Variants in GTF2I observed in about 807,000 individuals in gnomAD.
GTF2I encodes the protein general transcription factor IIi.
A neutral mutation model predicts 67.6 loss-of-function variants in GTF2I; 12 were observed. That is an observed-to-expected ratio of 0.18 (90% confidence interval 0.11 to 0.29). The LOEUF (loss-of-function observed/expected upper bound fraction) is 0.29, where lower values mean the gene tolerates loss of function less well. Ranked by LOEUF, GTF2I falls within the 10% of genes least tolerant of loss-of-function variation. GTF2I has a pLI of 1.00. For missense variants in GTF2I, 271 were observed against 580.1 expected (o/e 0.47, Z 5.47); for synonymous variants, 149 against 197.0 (o/e 0.76, Z 2.04).
intron 11 of GTF2I, among the ~76,000 whole-genome samples, chr7:74,718,000 C>G (rs1032815399): frequency 6.6e-6 from 1 of 152,162 alleles, no homozygotes; most frequent in Non-Finnish European, 1.5e-5. Flanking sequence ...ACAGAGTTTT[C>G]AGCTTTGAAT....
intron 12 of GTF2I, among the ~76,000 whole-genome samples, chr7:74,721,672 A>G (rs1562974784): frequency 6.6e-6 from 1 of 152,140 alleles, no homozygotes; most frequent in Non-Finnish European, 1.5e-5. Flanking sequence ...ACCTCTGGTT[A>G]ATAATGTGTA....
intron 1 of GTF2I, among the ~76,000 whole-genome samples, chr7:74,667,260 T>C (rs1805061435): frequency 6.6e-6 from 1 of 152,064 alleles, no homozygotes. Flanking sequence ...TGAGAATCAC[T>C]TGAACCCGGG....
intron 6 of GTF2I, among the ~76,000 whole-genome samples, chr7:74,701,371 C>A (rs914399200): frequency 6.6e-6 from 1 of 152,096 alleles, no homozygotes; most frequent in Non-Finnish European, 1.5e-5. Flanking sequence ...ATTGTGTTTT[C>A]TGTTAACCTT....
chr7:74,665,694 CTT>C (rs1381242711), intron 1 of GTF2I, among the ~76,000 whole-genome samples: 3 of 152,212 alleles, frequency 2.0e-5, no homozygotes, highest in Non-Finnish European at 2.9e-5. Context: ...ATTATAAAGA[CTT>C]TTGGGAAATT....
chr7:74,676,096 T>A (rs587723083), intron 1 of GTF2I, among the ~76,000 whole-genome samples: 23 of 152,222 alleles, frequency 1.5e-4, no homozygotes, highest in African/African-American at 5.5e-4. Context: ...ATCTGGATTC[T>A]ATTCTTAGCA....
intron 12 of GTF2I, among the ~76,000 whole-genome samples, chr7:74,722,344 G>C (rs1554404786): frequency 6.6e-6 from 1 of 152,132 alleles, no homozygotes; most frequent in Non-Finnish European, 1.5e-5. Context: ...GCATGCCTCA[G>C]TTTTCGTAAA....
chr7:74,716,067 G>GTT (rs879996140), intron 10 of GTF2I, among the ~76,000 whole-genome samples: 4 of 151,162 alleles, frequency 2.6e-5, no homozygotes, highest in Admixed American at 2.6e-4. Context: ...TAGGTAATAT[G>GTT]TTTTTTTTTG....
chr7:74,705,283 A>G (rs1457659488), intron 7 of GTF2I, 65 bp downstream of exon 7: 1 of 929,686 alleles, frequency 1.1e-6, no homozygotes, highest in Non-Finnish European at 1.8e-6. Flanking sequence ...TTGTTAGATA[A>G]TTGAGATATC....
At chr7:74,725,922 A>C (rs587678800) in intron 12 of GTF2I, among the ~76,000 whole-genome samples, 2 of 151,454 alleles carry the variant, frequency 1.3e-5, no homozygotes, top group East Asian at 3.9e-4. Context: ...ATTGTGGTCT[A>C]AAATGTTTGT....
chr7:74,680,099 A>AAAAAAAAAATATATAT, intron 1 of GTF2I, among the ~76,000 whole-genome samples: 3 of 94,992 alleles, frequency 3.2e-5, no homozygotes, highest in African/African-American at 1.2e-4. Context: ...AAAAAAAAAA[A>AAAAAAAAAATATATAT]ATATATATAT....
intron 1 of GTF2I, among the ~76,000 whole-genome samples, chr7:74,662,009 A>G (rs587669342): frequency 4.2e-4 from 64 of 152,044 alleles, no homozygotes; most frequent in East Asian, 3.5e-3. Context: ...CACAGCTTGT[A>G]GTTTTGGCCC....
intron 6 of GTF2I, among the ~76,000 whole-genome samples, chr7:74,701,484 T>A (rs1307260163): frequency 2.0e-5 from 3 of 152,246 alleles, no homozygotes; most frequent in Admixed American, 6.5e-5. Context: ...TTATTATTAT[T>A]TTTTGAGACG....
At position 74,700,373 on chromosome 7, in the gene GTF2I, T is replaced by A. The variant is rs1554399550; in HGVS notation, c.500T>A (p.Leu167His). 1 of 1,614,160 alleles carries A rather than the reference T, an allele frequency of 6.2e-7. No individual in the cohort carries two copies. Among genetic ancestry groups the A allele is most frequent in the Admixed American group, 1.7e-5 (1 of 60,018 alleles). ...TTTAAACACCCCGAGAACTATGATC[T>A]TGCAACCCTGAAATGGATTTTGGAG... ...VAFKHPENYD[L>H]ATLKWILENK... The change falls in exon 5 of 35, where the codon CTT (leucine) becomes CAT (histidine). Residue 167 changes from leucine (L) to histidine (H), a missense_variant. Leu to His is a moderately conservative substitution (Grantham distance 99, BLOSUM62 -3). Coordinates refer to ENST00000573035, the MANE Select transcript of GTF2I (RefSeq NM_032999.4).
chr7:74,663,655 G>C (rs1804714835), intron 1 of GTF2I, among the ~76,000 whole-genome samples: 1 of 152,090 alleles, frequency 6.6e-6, no homozygotes, highest in Non-Finnish European at 1.5e-5. Flanking sequence ...CACCTAATCA[G>C]TTGCTTATTC....
chr7:74,749,099 A>AT lies in GTF2I; in HGVS notation c.2236+13dup, dbSNP rs1795637641. Reference sequence around the variant, plus strand: ...CTTCAATGAGAAATGTGGTAAGTCTATTTTGAAACCTTCTTACTGCCACGC... The same window carrying AT: ...CTTCAATGAGAAATGTGGTAAGTCTATTTTTGAAACCTTCTTACTGCCACGC... On this transcript the variant is annotated intron_variant, in intron 25 of 34. Transcript: ENST00000573035. 2 of 379,954 alleles carry AT rather than the reference A, an allele frequency of 5.3e-6. No individual in the cohort carries two copies. The highest frequency in any genetic ancestry group is 9.6e-6 in the Non-Finnish European group (2 of 207,314). 23.5% of individuals were successfully genotyped at this position (379,954 alleles called of 1,614,324 possible). A position where few individuals can be genotyped will look rare whatever the true frequency, so the allele number is the denominator to read the frequency against.
At position 74,685,496 on chromosome 7, in the gene GTF2I, C is replaced by CAAAACA. The variant is rs1457968856; in HGVS notation, c.-5-3618_-5-3613dup. 4.6e-5 allele frequency among the ~76,000 whole-genome samples: 7 copies of CAAAACA among 151,946 alleles called. No individual in the cohort carries two copies. The East Asian group carries it at 5.8e-4, about 13-fold the overall frequency. ...TGGGCAACAAAGCAAGACCCTGTCT[C>CAAAACA]AAAACAAAAACAAAAGGCCGGGCGT... On this transcript the variant is annotated intron_variant, in intron 1 of 34. Coordinates refer to ENST00000573035, the MANE Select transcript of GTF2I (RefSeq NM_032999.4).
At chr7:74,665,828 A>G (rs907223489) in intron 1 of GTF2I, among the ~76,000 whole-genome samples, 2 of 151,930 alleles carry the variant, frequency 1.3e-5, no homozygotes, top group Non-Finnish European at 1.5e-5. Flanking sequence ...TGACTGTTAC[A>G]TTGTTTTTAT....
rs200293631 is a variant in GTF2I at position 74,724,131 on chromosome 7, AT to A, written c.944-4647del. The stretch of plus-strand genomic sequence containing the variant: ...TTAGCACTTGAACACTTTGTTTTAA[AT>A]TTTTTTTATTGCTGCCAAATAGTCA... On this transcript the variant is annotated intron_variant, in intron 12 of 34. Coordinates refer to ENST00000573035, the MANE Select transcript of GTF2I (RefSeq NM_032999.4). Among the ~76,000 whole-genome samples, 1,156 of 152,204 alleles carry A rather than the reference AT, an allele frequency of 7.6e-3. 17 individuals carry two copies. The highest frequency in any genetic ancestry group is 0.027 in the African/African-American group (1,104 of 41,522).
In GTF2I at chr7:74,716,741, A is replaced by G. The variant is rs1554403713; in HGVS notation, c.824-153A>G. On this transcript the variant is annotated intron_variant, in intron 10 of 34. Coordinates refer to ENST00000573035, the MANE Select transcript of GTF2I (RefSeq NM_032999.4). ...AGCGTTGTATTCTTTTCTGAATTAG[A>G]AAACATTGTTCGACTTAACTGCTAA... The G allele has an allele frequency of 1.6e-5, 9 of 549,188 alleles. No homozygotes were observed. The East Asian group carries it at 2.0e-4, about 12-fold the overall frequency. The allele number at this position is 549,188 out of a possible 1,614,324, so 34.0% of individuals were successfully genotyped here. A position where few individuals can be genotyped will look rare whatever the true frequency, so the allele number is the denominator to read the frequency against.
Sources: gnomAD v4.1 joint callset for allele counts (sites outside exome capture counted in the v4.1 genomes callset) on GRCh38, gnomAD v4.1.1 for gene constraint, MANE v1.5 for transcripts, NCBI Gene and HGNC (gene_info 2026-07-23, HGNC 2026-07-21) for gene names.